PRKX: variants seen among roughly 807,000 people sequenced by gnomAD.
The protein encoded by PRKX is protein kinase cAMP-dependent X-linked catalytic subunit.
In PRKX, 12 loss-of-function variants were observed where a neutral mutation model predicts 22.0. The observed-to-expected ratio is 0.54, with a 90% CI of 0.35 to 0.88. The LOEUF (loss-of-function observed/expected upper bound fraction) is 0.88. Among genes scored for constraint, PRKX ranks in the 40% least tolerant of loss-of-function variants. The probability of loss-of-function intolerance (pLI) is 0.01; values close to 1 mark genes in which losing one functional copy is unlikely to be tolerated. For synonymous variants in PRKX, 134 were observed against 137.7 expected (o/e 0.97, Z 0.19); for missense variants, 217 against 308.0 (o/e 0.70, Z 2.21).
chrX:3,699,661 C>T (rs1345045865), intron 1 of PRKX, among the ~76,000 whole-genome samples: 1 of 112,486 alleles, frequency 8.9e-6, no homozygotes, highest in Non-Finnish European at 1.9e-5. Flanking sequence ...GCCAGGGTTT[C>T]ACTCTTAAAG....
chrX:3,674,954 T>C (rs1240082928), intron 1 of PRKX, among the ~76,000 whole-genome samples, 188 bp from the exon 2 acceptor site: 1 of 110,966 alleles, frequency 9.0e-6, no homozygotes, highest in Non-Finnish European at 1.9e-5. Context: ...ACCTGGAATT[T>C]TCCACTGAAT....
chrX:3,648,570 G>A (rs187748280), intron 3 of PRKX, among the ~76,000 whole-genome samples: 200 of 105,519 alleles, frequency 1.9e-3, no homozygotes, highest in African/African-American at 6.6e-3. Flanking sequence ...GGGTGATGGG[G>A]CCATAAGGTT....
At chrX:3,631,915 G>C (rs1260907242) in intron 4 of PRKX, among the ~76,000 whole-genome samples, 2 of 112,678 alleles carry the variant, frequency 1.8e-5, no homozygotes, top group African/African-American at 6.4e-5. Context: ...AAACCTTTCA[G>C]TCTGTGGTAG....
At chrX:3,708,778 C>A (rs1248790522) in intron 1 of PRKX, among the ~76,000 whole-genome samples, 2 of 108,070 alleles carry the variant, frequency 1.9e-5, no homozygotes, top group Non-Finnish European at 3.8e-5. Context: ...GCAGGAGAAT[C>A]GCTTGAACCC....
At chrX:3,705,691 C>CTTTTTTTT (rs1365283802) in intron 1 of PRKX, among the ~76,000 whole-genome samples, 3 of 101,805 alleles carry the variant, frequency 2.9e-5, no homozygotes, top group African/African-American at 1.1e-4. Context: ...TTTTTCTTTT[C>CTTTTTTTT]TTTTTTTTTT....
intron 1 of PRKX, among the ~76,000 whole-genome samples, chrX:3,691,874 CTGGA>C (rs199859885): frequency 0.012 from 1,360 of 109,953 alleles, 23 homozygotes; most frequent in African/African-American, 0.042. Flanking sequence ...GAATGACTGA[CTGGA>C]TGGATGGATG....
intron 1 of PRKX, among the ~76,000 whole-genome samples, chrX:3,696,865 CA>C (rs1928452900): frequency 9.0e-6 from 1 of 111,397 alleles, no homozygotes; most frequent in East Asian, 2.8e-4. Flanking sequence ...ACTAAAAAAA[CA>C]AAAAATAGCC....
At position 3,709,440 on chromosome X, in the gene PRKX, G is replaced by A. The variant is rs190262454; in HGVS notation, c.166+3648C>T. On this transcript the variant is annotated intron_variant, in intron 1 of 8. Coordinates refer to ENST00000262848, the MANE Select transcript of PRKX (RefSeq NM_005044.5). ...ATCGTCATCGTGTAGGACAGGTTCC[G>A]TCATTATTTCCCTCTGTAGATGAGT... 6.1e-4 allele frequency among the ~76,000 whole-genome samples: 68 copies of A among 111,103 alleles called. 1 individual carries two copies. Among genetic ancestry groups the A allele is most frequent in the African/African-American group, 1.9e-3 (59 of 30,536 alleles).
intron 1 of PRKX, among the ~76,000 whole-genome samples, chrX:3,677,534 AG>A (rs780722290): frequency 1.8e-5 from 2 of 108,966 alleles, no homozygotes; most frequent in East Asian, 2.9e-4. Context: ...TGGTTTGAGA[AG>A]GAAAAAAAAA....
chrX:3,696,464 A>G (rs1928444270), intron 1 of PRKX, among the ~76,000 whole-genome samples: 1 of 112,184 alleles, frequency 8.9e-6, no homozygotes, highest in Non-Finnish European at 1.9e-5. Flanking sequence ...ACATTAGCCT[A>G]CAACTGGGCA....
At chrX:3,688,444 T>A (rs754878628) in intron 1 of PRKX, among the ~76,000 whole-genome samples, 1 of 99,520 alleles carries the variant, frequency 1.0e-5, no homozygotes, top group South Asian at 5.2e-4. Flanking sequence ...AGACTCTGTC[T>A]CCAAAGAAAA....
rs748410923 is a variant in PRKX, at chrX:3,654,671, G to A, written c.599+478C>T. 1.3e-4 allele frequency among the ~76,000 whole-genome samples: 14 copies of A among 107,489 alleles called. No homozygotes were observed. The East Asian group carries it at 3.8e-3, about 29-fold the overall frequency. The allele number at this position is 107,489 out of a possible 115,157, so 93.3% of individuals were successfully genotyped here. A position where few individuals can be genotyped will look rare whatever the true frequency, so the allele number is the denominator to read the frequency against. ...TAAATATATATATTTCTGTAGAGAC[G>A]GGGTCTCACTAGGTTGTCCACAGTG... On this transcript the variant is annotated intron_variant, in intron 3 of 8. Coordinates refer to ENST00000262848, the MANE Select transcript of PRKX (RefSeq NM_005044.5).
At chrX:3,613,854 CAAAAAAAAAAAAA>C (rs1205221732) in intron 7 of PRKX, among the ~76,000 whole-genome samples, 1 of 39,427 alleles carries the variant, frequency 2.5e-5, no homozygotes, top group African/African-American at 8.6e-5. Flanking sequence ...GACTCCATCT[CAAAAAAAAAAAAA>C]AAAAAAAAAA....
At chrX:3,663,630 TA>T (rs780899033) in intron 2 of PRKX, among the ~76,000 whole-genome samples, 1,667 of 66,194 alleles carry the variant, frequency 0.025, 40 homozygotes, top group African/African-American at 0.078. Flanking sequence ...CCACATCTCT[TA>T]AAAAAAAAAA....
intron 2 of PRKX, among the ~76,000 whole-genome samples, chrX:3,670,481 T>C (rs1404983358): frequency 8.9e-6 from 1 of 112,069 alleles, no homozygotes; most frequent in Admixed American, 9.5e-5. Flanking sequence ...GAAAGATCAA[T>C]TATCAGCAAG....
Position 3,655,278 on chromosome X carries a change from A to G in PRKX, c.470T>C (p.Ile157Thr). The G allele has an allele frequency of 8.2e-7, 1 of 1,212,229 alleles. No individual in the cohort carries two copies. Among genetic ancestry groups the G allele is most frequent in the Non-Finnish European group, 1.1e-6 (1 of 895,639 alleles). ...TTGLFYSAEI[I>T]CAIEYLHSKE... ...GGAGTGCAGGTACTCGATGGCACAG[A>G]TGATCTCTGCAGAGTAGAAGAGCCC... Residue 157 changes from isoleucine to threonine, a missense_variant, in exon 3 of 9, where the codon ATC becomes ACC. Coordinates refer to ENST00000262848, the MANE Select transcript of PRKX (RefSeq NM_005044.5).
intron 1 of PRKX, among the ~76,000 whole-genome samples, chrX:3,686,570 T>A (rs1928183013): frequency 9.2e-6 from 1 of 108,962 alleles, no homozygotes; most frequent in Non-Finnish European, 1.9e-5. Context: ...ATCTTTTTTT[T>A]TTTTTGAGAC....
intron 1 of PRKX, among the ~76,000 whole-genome samples, chrX:3,676,473 C>T (rs749021643): frequency 1.2e-4 from 13 of 111,528 alleles, no homozygotes; most frequent in South Asian, 3.8e-4. Flanking sequence ...ACAGCCAAGG[C>T]GTGGAAACAA....
intron 6 of PRKX, among the ~76,000 whole-genome samples, chrX:3,618,098 C>T (rs28790426): frequency 0.11 from 11,619 of 105,290 alleles, 632 homozygotes; most frequent in Middle Eastern, 0.18. Flanking sequence ...ATAAGCCAGG[C>T]ACAGATAGAC....
Sources: allele counts gnomAD v4.1 joint callset (sites outside exome capture counted in the v4.1 genomes callset), GRCh38; gene constraint gnomAD v4.1.1; transcripts MANE v1.5; gene names NCBI Gene and HGNC (gene_info 2026-07-23, HGNC 2026-07-21).